Variants in ZFAT observed in about 807,000 individuals in gnomAD.
The protein encoded by ZFAT is zinc finger protein ZFAT.
In ZFAT, 64 loss-of-function variants were observed where a neutral mutation model predicts 117.7. That is an observed-to-expected ratio of 0.54 (90% CI 0.44 to 0.67). The LOEUF (loss-of-function observed/expected upper bound fraction) is 0.67. Among genes scored for constraint, ZFAT ranks in the 30% least tolerant of loss-of-function variants. The pLI is 0.00. For missense variants in ZFAT, 1,433 were observed against 1,584.5 expected, an observed-to-expected ratio of 0.90 and a Z score of 1.62; for synonymous variants, 679 against 615.0, an observed-to-expected ratio of 1.10 and a Z score of -1.54.
Position 134,579,147 on chromosome 8 carries a change from G to C in ZFAT, c.2887+4685C>G, listed in dbSNP as rs997726212. Among the ~76,000 whole-genome samples the C allele has an allele frequency of 3.9e-5, 6 of 152,202 alleles. No individual in the cohort carries two copies. The East Asian group carries it at 9.6e-4, about 24-fold the overall frequency. ...ATGTTGAGCACGCTAAGCTTGGGGG[G>C]CCAGGTGGGCATCCAAATGCAGATG... On this transcript the variant is annotated intron_variant, in intron 10 of 15. Coordinates refer to ENST00000377838, the MANE Select transcript of ZFAT (RefSeq NM_020863.4).
intron 1 of ZFAT, among the ~76,000 whole-genome samples, chr8:134,702,274 A>G (rs1237006368): frequency 2.0e-5 from 3 of 152,236 alleles, no homozygotes; most frequent in African/African-American, 7.2e-5. Context: ...TATTACAAAT[A>G]AAGCTGCTAT....
chr8:134,622,952 G>A (rs929074426), intron 3 of ZFAT, among the ~76,000 whole-genome samples: 3 of 152,054 alleles, frequency 2.0e-5, no homozygotes, highest in African/African-American at 7.3e-5. Context: ...ACTTGATGCT[G>A]TACCTAGACC....
the ZFAT span, among the ~76,000 whole-genome samples, chr8:134,764,610 TAATAA>T: frequency 9.2e-5 from 14 of 152,242 alleles, no homozygotes; most frequent in African/African-American, 2.9e-4. Flanking sequence ...CTCACTGATA[TAATAA>T]ATCACTTCCC....
chr8:134,831,891 C>T, the ZFAT span, among the ~76,000 whole-genome samples: 1 of 152,050 alleles, frequency 6.6e-6, no homozygotes, highest in African/African-American at 2.4e-5. Flanking sequence ...TCCCGAGAGC[C>T]TGTCAGCGCC....
At chr8:134,796,759 T>C in the ZFAT span, 2 of 152,228 alleles carry the variant, frequency 1.3e-5, no homozygotes, top group African/African-American at 4.8e-5. Context: ...GTCTAGTGAC[T>C]ATGAAGCACA....
chr8:134,746,405 C>T, the ZFAT span, among the ~76,000 whole-genome samples: 3 of 152,200 alleles, frequency 2.0e-5, no homozygotes, highest in African/African-American at 7.2e-5. Flanking sequence ...AAGACCATCA[C>T]CCACCTGATA....
intron 5 of ZFAT, among the ~76,000 whole-genome samples, chr8:134,608,465 T>C (rs149928895): frequency 1.1e-3 from 175 of 152,326 alleles, no homozygotes; most frequent in Middle Eastern, 6.8e-3. Flanking sequence ...TAGTTTTTCT[T>C]TAAATAAAAT....
chr8:134,743,328 A>G, the ZFAT span, among the ~76,000 whole-genome samples: 6 of 152,102 alleles, frequency 3.9e-5, no homozygotes, highest in East Asian at 1.2e-3. Flanking sequence ...GTCTCTACTA[A>G]AAATACAAAA....
At chr8:134,507,640 C>G (rs1040717867) in intron 15 of ZFAT, among the ~76,000 whole-genome samples, 3 of 152,212 alleles carry the variant, frequency 2.0e-5, no homozygotes, top group Non-Finnish European at 2.9e-5. Context: ...CCTTGTGGTG[C>G]TGTCAGTCTG....
At chr8:134,605,730 T>C (rs1318650888) in intron 5 of ZFAT, among the ~76,000 whole-genome samples, 1 of 152,178 alleles carries the variant, frequency 6.6e-6, no homozygotes, top group African/African-American at 2.4e-5. Flanking sequence ...GGTACCAACA[T>C]AGGGAACTAG....
At chr8:134,832,031 C>A in the ZFAT span, among the ~76,000 whole-genome samples, 1 of 149,920 alleles carries the variant, frequency 6.7e-6, no homozygotes, top group Admixed American at 6.6e-5. Context: ...CCGCCGCGGC[C>A]CCCACCCTCC....
chr8:134,480,193 C>CCT (rs1248700825), intron 15 of ZFAT, among the ~76,000 whole-genome samples: 5 of 152,194 alleles, frequency 3.3e-5, no homozygotes, highest in Admixed American at 3.3e-4. Context: ...AACTCCTGAG[C>CCT]TCAAGTGATC....
chr8:134,584,431 G>A (rs551166203), intron 9 of ZFAT, among the ~76,000 whole-genome samples: 1 of 152,338 alleles, frequency 6.6e-6, no homozygotes, highest in East Asian at 1.9e-4. Context: ...GCAACCTGCA[G>A]AGCAGACAGT....
chr8:134,740,336 GCAT>G, the ZFAT span, among the ~76,000 whole-genome samples: 1 of 152,346 alleles, frequency 6.6e-6, no homozygotes, highest in Middle Eastern at 3.4e-3. Flanking sequence ...GCCAGAATTA[GCAT>G]TGTCAATGGA....
In ZFAT at chr8:134,602,518, G is replaced by C. The variant is rs1347979900; in HGVS notation, c.1201C>G (p.Gln401Glu). ...LCLMTREGKR[Q>E]LLYDCHICER... ...CAGATGTGGCAGTCATAGAGCAGCT[G>C]CCGCTTGCCCTCCCTCGTCATCAGG... is the stretch of plus-strand genomic sequence containing the variant. The change falls in exon 6 of 16, where the codon CAG (glutamine) becomes GAG (glutamate). Residue 401 changes from glutamine to glutamate, a missense_variant. By Grantham distance (29) the Gln-to-Glu change is conservative. Transcript: ENST00000377838. The C allele has an allele frequency of 6.1e-5, 98 of 1,613,858 alleles. No homozygotes were observed. The highest frequency in any genetic ancestry group is 8.0e-5 in the Non-Finnish European group (94 of 1,180,042).
intron 1 of ZFAT, among the ~76,000 whole-genome samples, chr8:134,697,872 C>T (rs1833911645): frequency 6.6e-6 from 1 of 150,812 alleles, no homozygotes; most frequent in Non-Finnish European, 1.5e-5. Flanking sequence ...TGAGCCACCG[C>T]ACCCAGCCAG....
upstream of ZFAT, among the ~76,000 whole-genome samples, chr8:134,716,219 A>G (rs114786639): frequency 0.019 from 2,823 of 152,006 alleles, 77 homozygotes; most frequent in African/African-American, 0.064. Context: ...ACACACACAT[A>G]TATATCTATA....
chr8:134,615,727 A>G (rs1369842923), intron 3 of ZFAT, among the ~76,000 whole-genome samples: 3 of 152,140 alleles, frequency 2.0e-5, no homozygotes, highest in Admixed American at 1.3e-4. Context: ...TCCTTCATCA[A>G]TTCTCTGTGG....
At chr8:134,494,990 G>T (rs1264950029) in intron 15 of ZFAT, among the ~76,000 whole-genome samples, 2 of 152,170 alleles carry the variant, frequency 1.3e-5, no homozygotes, top group Non-Finnish European at 2.9e-5. Flanking sequence ...TCTCAGAGTA[G>T]GAAGATCTAC....
Sources: allele counts gnomAD v4.1 joint callset (sites outside exome capture counted in the v4.1 genomes callset), GRCh38; gene constraint gnomAD v4.1.1; transcripts MANE v1.5; gene names NCBI Gene and HGNC (gene_info 2026-07-23, HGNC 2026-07-21).